The following CNTN5 variants were observed in gnomAD, a reference collection of about 807,000 sequenced individuals.
The protein encoded by CNTN5 is contactin-5.
In CNTN5, 77 loss-of-function variants were observed where a neutral mutation model predicts 129.1. The ratio of observed to expected loss-of-function variants is 0.60; its 90% CI spans 0.50 to 0.72. The LOEUF is 0.72. Among genes scored for constraint, CNTN5 ranks in the 30% least tolerant of loss-of-function variants. CNTN5 has a pLI of 0.00. For missense variants in CNTN5, 1,478 were observed against 1,328.8 expected (o/e 1.11, Z -1.75); for synonymous variants, 509 against 465.6 (o/e 1.09, Z -1.20).
intron 3 of CNTN5, among the ~76,000 whole-genome samples, chr11:99,734,554 T>C (rs1330325292): frequency 6.6e-6 from 1 of 152,188 alleles, no homozygotes; most frequent in Non-Finnish European, 1.5e-5. Flanking sequence ...TTATATATCA[T>C]ACTGATTTTA....
At chr11:99,154,720 C>T (rs903183841) in intron 1 of CNTN5, among the ~76,000 whole-genome samples, 13 of 152,150 alleles carry the variant, frequency 8.5e-5, no homozygotes, top group African/African-American at 2.9e-4. Flanking sequence ...CGAGGACCTC[C>T]AGGAAGCACC....
chr11:99,814,220 C>T (rs1328997523), intron 3 of CNTN5, among the ~76,000 whole-genome samples: 1 of 152,070 alleles, frequency 6.6e-6, no homozygotes, highest in Non-Finnish European at 1.5e-5. Flanking sequence ...ATTCATGTGA[C>T]TCAGCTCATA....
intron 8 of CNTN5, among the ~76,000 whole-genome samples, chr11:99,989,516 C>CTT (rs1938914071): frequency 2.2e-5 from 3 of 138,756 alleles, no homozygotes; most frequent in Non-Finnish European, 3.2e-5. Flanking sequence ...TAGATAGACA[C>CTT]ATACACACAC....
intron 3 of CNTN5, among the ~76,000 whole-genome samples, chr11:99,595,805 G>A (rs1395618923): frequency 2.6e-5 from 4 of 151,774 alleles, no homozygotes; most frequent in Admixed American, 6.6e-5. Flanking sequence ...TGCAAGAAAT[G>A]TGTGATCTTT....
chr11:99,260,891 T>C (rs1293444383), intron 1 of CNTN5, among the ~76,000 whole-genome samples: 2 of 151,948 alleles, frequency 1.3e-5, no homozygotes, highest in Admixed American at 6.6e-5. Context: ...ACATCACTGA[T>C]GGGAAATTCC....
chr11:100,353,351 A>G (rs1952456219), intron 24 of CNTN5, among the ~76,000 whole-genome samples: 1 of 151,580 alleles, frequency 6.6e-6, no homozygotes, highest in African/African-American at 2.4e-5. Context: ...CCCAAGTGAA[A>G]CAGCTAGTTA....
intron 9 of CNTN5, among the ~76,000 whole-genome samples, chr11:100,025,598 AG>A (rs1175196602): frequency 3.3e-5 from 5 of 152,162 alleles, no homozygotes; most frequent in Non-Finnish European, 5.9e-5. Flanking sequence ...AACAACTGGG[AG>A]GGGGACTGTA....
intron 6 of CNTN5, among the ~76,000 whole-genome samples, chr11:99,910,572 C>T (rs1418805497): frequency 6.6e-6 from 1 of 151,834 alleles, no homozygotes; most frequent in East Asian, 1.9e-4. Flanking sequence ...TGCTTTTGTC[C>T]TGGTATAGTT....
At chr11:99,636,579 T>C (rs559274343) in intron 3 of CNTN5, among the ~76,000 whole-genome samples, 15 of 152,060 alleles carry the variant, frequency 9.9e-5, no homozygotes, top group African/African-American at 3.6e-4. Flanking sequence ...AAAAGAAATG[T>C]AGGATTAGAA....
intron 8 of CNTN5, among the ~76,000 whole-genome samples, chr11:99,976,349 C>T (rs899668884): frequency 6.6e-6 from 1 of 152,210 alleles, no homozygotes; most frequent in African/African-American, 2.4e-5. Context: ...GGATGATGGG[C>T]CTCATCTCAA....
rs2447147 is a variant in CNTN5 at position 99,310,497 on chromosome 11, A to T, written c.-209-14849A>T. 2.3e-3 allele frequency among the ~76,000 whole-genome samples: 346 copies of T among 152,244 alleles called. 2 individuals carry two copies. Among genetic ancestry groups the T allele is most frequent in the African/African-American group, 7.9e-3 (328 of 41,556 alleles). Reference sequence around the variant, plus strand: ...ACGTTGGTAAAATGTTTATAATACAATTTACCTTTTTGCCCTTCTTTACCC... The same window carrying T: ...ACGTTGGTAAAATGTTTATAATACATTTTACCTTTTTGCCCTTCTTTACCC... On this transcript the variant is annotated intron_variant, in intron 1 of 24. Coordinates refer to ENST00000524871, the MANE Select transcript of CNTN5 (RefSeq NM_014361.4).
In CNTN5 at chr11:99,822,284, A is replaced by G. The variant is rs192342305; in HGVS notation, c.277+2519A>G. Among the ~76,000 whole-genome samples, 476 of 152,348 alleles carry G rather than the reference A, an allele frequency of 3.1e-3. 1 individual carries two copies. The highest frequency in any genetic ancestry group is 0.011 in the African/African-American group (453 of 41,580). ...ATATACAACTTGGAGAAACCTTCCC[A>G]TACAAGTACGAGGAAATAAAACGCA... On this transcript the variant is annotated intron_variant, in intron 4 of 24. Coordinates refer to ENST00000524871, the MANE Select transcript of CNTN5 (RefSeq NM_014361.4).
chr11:99,278,157 C>T (rs926755515), intron 1 of CNTN5, among the ~76,000 whole-genome samples: 3 of 151,474 alleles, frequency 2.0e-5, no homozygotes, highest in Admixed American at 6.6e-5. Flanking sequence ...TTTAGCAAAA[C>T]GAGAATCTGT....
chr11:100,305,064 A>C (rs1386421322), intron 20 of CNTN5, among the ~76,000 whole-genome samples: 1 of 151,370 alleles, frequency 6.6e-6, no homozygotes, highest in African/African-American at 2.4e-5. Flanking sequence ...TTTTCTGTAA[A>C]ACTTATTCTG....
intron 13 of CNTN5, among the ~76,000 whole-genome samples, chr11:100,104,974 A>G (rs888284598): frequency 2.0e-5 from 3 of 152,184 alleles, no homozygotes; most frequent in African/African-American, 7.2e-5. Context: ...TTCATTAGGC[A>G]ATAAGAAGCA....
intron 10 of CNTN5, among the ~76,000 whole-genome samples, chr11:100,065,407 T>C (rs944646487): frequency 6.6e-6 from 1 of 152,036 alleles, no homozygotes; most frequent in African/African-American, 2.4e-5. Context: ...ATGTCCACTA[T>C]GAAAAATAGA....
At chr11:99,787,760 A>G (rs1945587754) in intron 3 of CNTN5, among the ~76,000 whole-genome samples, 1 of 152,016 alleles carries the variant, frequency 6.6e-6, no homozygotes, top group African/African-American at 2.4e-5. Flanking sequence ...TATATCAGAC[A>G]TGTGCTATAC....
Position 100,035,812 on chromosome 11 carries a change from G to A in CNTN5, c.981-25400G>A, listed in dbSNP as rs541464052. 2.5e-3 allele frequency among the ~76,000 whole-genome samples: 378 copies of A among 151,588 alleles called. 2 individuals are homozygous for A. Among genetic ancestry groups the A allele is most frequent in the African/African-American group, 8.6e-3 (354 of 41,356 alleles). On this transcript the variant is annotated intron_variant, in intron 9 of 24. Coordinates refer to ENST00000524871, the MANE Select transcript of CNTN5 (RefSeq NM_014361.4). Reference sequence around the variant, plus strand: ...TCATATCCTTTGCCCACTTTTTGATGGGGTTGTTTTTTTCTTGTAAATTTG... The same window carrying A: ...TCATATCCTTTGCCCACTTTTTGATAGGGTTGTTTTTTTCTTGTAAATTTG...
At position 99,451,348 on chromosome 11, in the gene CNTN5, G is replaced by A. The variant is rs371835622; in HGVS notation, c.-70-104797G>A. On this transcript the variant is annotated intron_variant, in intron 2 of 24. Coordinates refer to ENST00000524871, the MANE Select transcript of CNTN5 (RefSeq NM_014361.4). ...AAGTTATGAGATGAAATTCACATTAGCCGATTCTAAGAACTAGGGAGGGGC... is the reference window on the plus strand; with the variant it reads ...AAGTTATGAGATGAAATTCACATTAACCGATTCTAAGAACTAGGGAGGGGC... Among the ~76,000 whole-genome samples, 16 of 152,180 alleles carry A rather than the reference G, an allele frequency of 1.1e-4. No homozygotes were observed. The South Asian group carries it at 1.2e-3, about 12-fold the overall frequency.
Sources: allele counts gnomAD v4.1 joint callset (sites outside exome capture counted in the v4.1 genomes callset), GRCh38; gene constraint gnomAD v4.1.1; transcripts MANE v1.5; gene names NCBI Gene and HGNC (gene_info 2026-07-23, HGNC 2026-07-21).